The following ARSG variants were observed in gnomAD, a reference collection of about 807,000 sequenced individuals.
ARSG encodes arylsulfatase G.
In ARSG, 37 loss-of-function variants were observed where a neutral mutation model predicts 50.5. The ratio of observed to expected loss-of-function variants is 0.73; its 90% CI spans 0.56 to 0.96. ARSG has a LOEUF of 0.96. Ranked by LOEUF, ARSG falls within the 50% of genes least tolerant of loss-of-function variation. The pLI is 0.00. For synonymous variants in ARSG, 225 were observed against 254.6 expected (o/e 0.88, Z 1.11); for missense variants, 629 against 675.3 (o/e 0.93, Z 0.76).
rs142720345 is a variant in ARSG, at chr17:68,339,105, A to T, written c.219-4499A>T. ...TTGTAGGATTTTTTTTTTTTAAATG[A>T]AGTGATATATACATAAGATAAAATT... On this transcript the variant is annotated intron_variant, in intron 2 of 11. Transcript: ENST00000621439. Among the ~76,000 whole-genome samples, 206 of 152,130 alleles carry T rather than the reference A, an allele frequency of 1.4e-3. 1 individual carries two copies. Among genetic ancestry groups the T allele is most frequent in the Non-Finnish European group, 2.0e-3 (137 of 67,988 alleles).
chr17:68,364,579 T>G (rs191730245), intron 6 of ARSG, among the ~76,000 whole-genome samples: 1 of 152,076 alleles, frequency 6.6e-6, no homozygotes, highest in African/African-American at 2.4e-5. Context: ...AGGCTGGTCT[T>G]GAACTCCTGA....
chr17:68,321,891 A>C (rs1351047503), intron 2 of ARSG, among the ~76,000 whole-genome samples: 1 of 152,218 alleles, frequency 6.6e-6, no homozygotes, highest in East Asian at 1.9e-4. Context: ...GGGAGGAAAG[A>C]AAGCTTTCCA....
At chr17:68,337,778 C>T (rs540451608) in intron 2 of ARSG, among the ~76,000 whole-genome samples, 277 of 152,106 alleles carry the variant, frequency 1.8e-3, no homozygotes, top group Non-Finnish European at 3.0e-3. Context: ...CCACCACGCC[C>T]GGCTAATTTT....
At chr17:68,268,712 A>G (rs2075230206) in intron 1 of ARSG, 1 of 186,552 alleles carries the variant, frequency 5.4e-6, no homozygotes, top group African/African-American at 2.4e-5. Context: ...AAGAAAGAAA[A>G]GAAAAAAAGA....
intron 4 of ARSG, 92 bp downstream of exon 4, chr17:68,347,264 G>T: frequency 7.0e-7 from 1 of 1,425,352 alleles, no homozygotes. Flanking sequence ...TCCTGTCTCT[G>T]GGGGCAACCC....
At chr17:68,450,937 A>T in the ARSG span, 1 of 1,579,500 alleles carries the variant, frequency 6.3e-7, no homozygotes, top group South Asian at 1.2e-5. Context: ...TGGATTGATC[A>T]CTTCCAAGAA....
At chr17:68,379,690 CAT>C (rs1279806661) in intron 8 of ARSG, among the ~76,000 whole-genome samples, 4 of 152,152 alleles carry the variant, frequency 2.6e-5, no homozygotes, top group East Asian at 1.9e-4. Context: ...TAAAGGAACA[CAT>C]GTTTGTTTTT....
intron 11 of ARSG, among the ~76,000 whole-genome samples, chr17:68,417,469 G>A (rs867283526): frequency 4.6e-5 from 7 of 152,034 alleles, no homozygotes; most frequent in East Asian, 1.9e-4. Context: ...TTTGGGTGCC[G>A]CGGTGGGGGG....
At position 68,352,344 on chromosome 17, in the gene ARSG, GAAA is replaced by G. The variant is rs33948326; in HGVS notation, c.566+670_566+672del. Reference sequence around the variant, plus strand: ...AAATGCTTATGATATAATAGTAAGTGAAAAAAAAAAAAAAGCAGGAAGCAAGTC... The same window carrying G: ...AAATGCTTATGATATAATAGTAAGTGAAAAAAAAAAAGCAGGAAGCAAGTC... On this transcript the variant is annotated intron_variant, in intron 5 of 11. Coordinates refer to ENST00000621439, the MANE Select transcript of ARSG (RefSeq NM_001267727.2). 5.1e-3 allele frequency among the ~76,000 whole-genome samples: 717 copies of G among 141,920 alleles called. 1 individual carries two copies. The highest frequency in any genetic ancestry group is 6.6e-3 in the Non-Finnish European group (432 of 65,190). The allele number at this position is 141,920 out of a possible 152,430, so 93.1% of individuals were successfully genotyped here.
intron 2 of ARSG, among the ~76,000 whole-genome samples, chr17:68,317,753 T>A (rs578184135): frequency 2.6e-5 from 4 of 152,206 alleles, no homozygotes; most frequent in Non-Finnish European, 5.9e-5. Context: ...ATAATTGAAA[T>A]GAAATTTAAA....
At chr17:68,299,937 C>CT (rs34778190) in intron 1 of ARSG, among the ~76,000 whole-genome samples, 77,963 of 138,006 alleles carry the variant, frequency 0.56, 22,048 homozygotes, top group African/African-American at 0.64. Context: ...TTTGGTATTG[C>CT]TTTTTTTTTT....
chr17:68,397,656 A>G (rs1019835033), intron 10 of ARSG, among the ~76,000 whole-genome samples: 4 of 152,252 alleles, frequency 2.6e-5, no homozygotes, highest in Non-Finnish European at 5.9e-5. Flanking sequence ...ACAATATTCT[A>G]TACATACTTA....
intron 2 of ARSG, among the ~76,000 whole-genome samples, chr17:68,333,294 C>T (rs2077860462): frequency 1.3e-5 from 2 of 151,994 alleles, no homozygotes; most frequent in Non-Finnish European, 2.9e-5. Context: ...TGCACTCCAG[C>T]CTGGGCGACA....
intron 2 of ARSG, among the ~76,000 whole-genome samples, chr17:68,334,534 C>T (rs2077925941): frequency 6.6e-6 from 1 of 152,160 alleles, no homozygotes; most frequent in Admixed American, 6.5e-5. Context: ...GTTCAAGCAA[C>T]AACCATTTTC....
At chr17:68,296,830 AC>A (rs1342022795) in intron 1 of ARSG, among the ~76,000 whole-genome samples, 5 of 152,236 alleles carry the variant, frequency 3.3e-5, no homozygotes, top group African/African-American at 4.8e-5. Flanking sequence ...TGCGATTGTT[AC>A]GTAAAACAGC....
intron 4 of ARSG, among the ~76,000 whole-genome samples, chr17:68,348,842 G>T (rs138324126): frequency 6.6e-5 from 10 of 152,220 alleles, no homozygotes; most frequent in African/African-American, 1.9e-4. Context: ...AAGCACCCAC[G>T]CTCCTCTTGC....
chr17:68,447,026 G>A, the ARSG span, among the ~76,000 whole-genome samples: 6 of 152,188 alleles, frequency 3.9e-5, no homozygotes, highest in African/African-American at 9.7e-5. Flanking sequence ...TTCAGCCCCC[G>A]CAGAACCATG....
the ARSG span, chr17:68,435,514 A>G: frequency 9.2e-7 from 1 of 1,091,364 alleles, no homozygotes; most frequent in East Asian, 2.4e-5. Flanking sequence ...GTGGGCCCAG[A>G]GACCAGTCAG....
chr17:68,356,550 T>A, intron 5 of ARSG, 117 bp from the exon 6 acceptor site: 4 of 1,236,552 alleles, frequency 3.2e-6, no homozygotes, highest in Non-Finnish European at 4.5e-6. Context: ...ACCAGAAAAA[T>A]CATTTGGGGC....
Sources: gnomAD v4.1 joint callset for allele counts (sites outside exome capture counted in the v4.1 genomes callset) on GRCh38, gnomAD v4.1.1 for gene constraint, MANE v1.5 for transcripts, NCBI Gene and HGNC (gene_info 2026-07-23, HGNC 2026-07-21) for gene names.